COL28A1: variants seen among roughly 807,000 people sequenced by gnomAD.
COL28A1 encodes the protein collagen type XXVIII alpha 1 chain.
Under a neutral mutation model 150.2 loss-of-function variants are expected in COL28A1, and 161 were observed. The observed-to-expected ratio is 1.07, with a 90% CI of 0.94 to 1.22. The LOEUF (loss-of-function observed/expected upper bound fraction) is 1.22. Among genes scored for constraint, COL28A1 ranks in the 50% most tolerant of loss-of-function variants. The pLI, the probability that COL28A1 is intolerant of heterozygous loss-of-function variation, is 0.00. For missense variants in COL28A1, 1,617 were observed against 1,388.3 expected, an observed-to-expected ratio of 1.16 and a Z score of -2.62; for synonymous variants, 552 against 469.7, an observed-to-expected ratio of 1.18 and a Z score of -2.26.
chr7:7,510,688 C>A (rs560811492), intron 9 of COL28A1, among the ~76,000 whole-genome samples: 1 of 152,186 alleles, frequency 6.6e-6, no homozygotes, highest in Non-Finnish European at 1.5e-5. Context: ...CTGTTTATAA[C>A]TATTTCACTG....
chr7:7,508,028 G>C (rs563961615), intron 9 of COL28A1, among the ~76,000 whole-genome samples: 12 of 152,074 alleles, frequency 7.9e-5, no homozygotes, highest in African/African-American at 1.2e-4. Context: ...GTCAGGAGAT[G>C]GAGACCATCC....
chr7:7,413,488 T>C (rs1783898659), intron 27 of COL28A1, among the ~76,000 whole-genome samples: 1 of 152,172 alleles, frequency 6.6e-6, no homozygotes, highest in Non-Finnish European at 1.5e-5. Context: ...TGCAATTAAG[T>C]ACAGCCGCGC....
At chr7:7,395,259 A>G (rs531538560) in intron 27 of COL28A1, among the ~76,000 whole-genome samples, 4 of 152,200 alleles carry the variant, frequency 2.6e-5, no homozygotes, top group Admixed American at 2.0e-4. Flanking sequence ...ACATCACTGC[A>G]CTCCAGCCTG....
At chr7:7,443,711 C>T in intron 19 of COL28A1, 58 bp from the exon 20 acceptor site, 1 of 1,602,236 alleles carries the variant, frequency 6.2e-7, no homozygotes, top group South Asian at 1.1e-5. Flanking sequence ...CTGTACGTAT[C>T]ATCCCACCTT....
chr7:7,397,413 G>C (rs73674521), intron 27 of COL28A1, among the ~76,000 whole-genome samples: 1 of 151,998 alleles, frequency 6.6e-6, no homozygotes, highest in Non-Finnish European at 1.5e-5. Flanking sequence ...GCCATTTAAG[G>C]TAATATGTAC....
At chr7:7,515,959 T>C (rs1781393019) in intron 7 of COL28A1, 119 bp from the exon 8 acceptor site, 1 of 616,068 alleles carries the variant, frequency 1.6e-6, no homozygotes, top group East Asian at 3.0e-5. Flanking sequence ...TCTGGAAAAT[T>C]AGATCATAGA....
At chr7:7,368,594 T>G (rs933134786) in intron 33 of COL28A1, among the ~76,000 whole-genome samples, 1 of 152,068 alleles carries the variant, frequency 6.6e-6, no homozygotes, top group East Asian at 1.9e-4. Flanking sequence ...GGGAGGTGAT[T>G]AGGTCATGAG....
At chr7:7,440,746 A>C in intron 21 of COL28A1, 44 bp downstream of exon 21, 1 of 738,792 alleles carries the variant, frequency 1.4e-6, no homozygotes, top group South Asian at 1.7e-5. Flanking sequence ...AACCAGACAC[A>C]ATACAAACTC....
intron 11 of COL28A1, among the ~76,000 whole-genome samples, chr7:7,500,440 G>C (rs1780456193): frequency 1.3e-5 from 2 of 152,198 alleles, no homozygotes; most frequent in South Asian, 4.1e-4. Context: ...TTCTGATTTA[G>C]ACTTTTCAAA....
chr7:7,448,642 AAAAATTTAT>A (rs544295843), intron 18 of COL28A1, among the ~76,000 whole-genome samples: 112 of 151,462 alleles, frequency 7.4e-4, no homozygotes, highest in African/African-American at 2.6e-3. Context: ...TAAAATTTAT[AAAAATTTAT>A]AAAATTTATT....
chr7:7,373,059 C>G lies in COL28A1; in HGVS notation c.2847G>C (p.Met949Ile). 1 of 1,614,118 alleles carries G rather than the reference C, an allele frequency of 6.2e-7. No individual in the cohort carries two copies. The highest frequency in any genetic ancestry group is 8.5e-7 in the Non-Finnish European group (1 of 1,180,008). The stretch of plus-strand genomic sequence containing the variant: ...GCTCTGGGTCAGTAGCAATTAGATT[C>G]ATTTCTTTGTGGAATATTTCAAAGT... ...DPNFEIFHKE[M>I]NLIATDPEHV... Residue 949 changes from methionine (M) to isoleucine (I), a missense_variant, in exon 32 of 35, where the codon ATG becomes ATC. Met to Ile is a conservative substitution (Grantham distance 10). Coordinates refer to ENST00000399429, the MANE Select transcript of COL28A1 (RefSeq NM_001037763.3). The surrounding 1 kb of genome is among the most constrained non-coding windows in gnomAD (Gnocchi z 4.1).
intron 4 of COL28A1, among the ~76,000 whole-genome samples, chr7:7,523,018 G>A (rs1781821266): frequency 6.6e-6 from 1 of 151,960 alleles, no homozygotes; most frequent in African/African-American, 2.4e-5. Context: ...TCCCTTATAT[G>A]TATATATGAA....
At chr7:7,347,891 G>A in the COL28A1 span, among the ~76,000 whole-genome samples, 191 of 152,128 alleles carry the variant, frequency 1.3e-3, no homozygotes, top group African/African-American at 4.3e-3. Flanking sequence ...TATCAGCCCT[G>A]GTAAGGAAGT....
At chr7:7,464,714 A>G (rs976117294) in intron 15 of COL28A1, among the ~76,000 whole-genome samples, 2 of 152,252 alleles carry the variant, frequency 1.3e-5, no homozygotes, top group African/African-American at 4.8e-5. Flanking sequence ...AAAAGTCTGA[A>G]AGAGCACAAA....
chr7:7,371,358 A>G (rs1184560296), intron 32 of COL28A1, among the ~76,000 whole-genome samples: 1 of 152,256 alleles, frequency 6.6e-6, no homozygotes, highest in Non-Finnish European at 1.5e-5. Context: ...GAGATTGAAT[A>G]TATCAGATAA....
At chr7:7,408,935 T>A (rs935020484) in intron 27 of COL28A1, among the ~76,000 whole-genome samples, 11 of 152,124 alleles carry the variant, frequency 7.2e-5, no homozygotes, top group African/African-American at 2.4e-4. Flanking sequence ...TCTGATTTGA[T>A]TACTCCCTAA....
intron 7 of COL28A1, among the ~76,000 whole-genome samples, chr7:7,517,210 T>C (rs536917973): frequency 6.6e-6 from 1 of 152,164 alleles, no homozygotes; most frequent in South Asian, 2.1e-4. Context: ...CCAGGGCACA[T>C]CCAGGGGGAC....
chr7:7,477,148 C>T lies in COL28A1; in HGVS notation c.1197G>A (p.Glu399=). ...GAAATCCTTCTCCGGGTAAGCCCCT[C>T]TCTCCTGGTACTCCCTCAGGACCAC... The part of the protein sequence containing the change: ...GPRGPEGVPG[E]RGLPGEGFPG... Residue 399 remains glutamate (E), a synonymous_variant, in exon 14 of 35, where the codon GAG becomes GAA. Coordinates refer to ENST00000399429, the MANE Select transcript of COL28A1 (RefSeq NM_001037763.3). 7.4e-7 allele frequency: 1 copy of T among 1,350,066 alleles called. No homozygotes were observed. The highest frequency in any genetic ancestry group is 1.1e-6 in the Non-Finnish European group (1 of 938,652). 83.6% of individuals were successfully genotyped at this position (1,350,066 alleles called of 1,614,324 possible). A position where few individuals can be genotyped will look rare whatever the true frequency, so the allele number is the denominator to read the frequency against.
chr7:7,537,892 T>C (rs1024932358), upstream of COL28A1, among the ~76,000 whole-genome samples: 2 of 152,216 alleles, frequency 1.3e-5, no homozygotes, highest in African/African-American at 4.8e-5. Context: ...ACTCTCTTTT[T>C]GCTGAGGCAG....
Sources: gnomAD v4.1 joint callset for allele counts (sites outside exome capture counted in the v4.1 genomes callset) on GRCh38, gnomAD v4.1.1 for gene constraint, Gnocchi (gnomAD v3.1) non-coding constraint, MANE v1.5 for transcripts, NCBI Gene and HGNC (gene_info 2026-07-23, HGNC 2026-07-21) for gene names.